Variants in SNTG2 observed in about 807,000 individuals in gnomAD.
SNTG2 encodes syntrophin gamma 2.
SNTG2 carries 74 observed loss-of-function variants against 70.9 expected under a neutral mutation model. The observed-to-expected ratio is 1.04, with a 90% CI of 0.86 to 1.27. The LOEUF (loss-of-function observed/expected upper bound fraction) is 1.27, where lower values mean the gene tolerates loss of function less well. Ranked by LOEUF, SNTG2 falls within the 50% of genes most tolerant of loss-of-function variation. The pLI is 0.00. For synonymous variants in SNTG2, 278 were observed against 273.8 expected, an observed-to-expected ratio of 1.02 and a Z score of -0.15; for missense variants, 717 against 690.7, an observed-to-expected ratio of 1.04 and a Z score of -0.43.
intron 15 of SNTG2, among the ~76,000 whole-genome samples, chr2:1,312,708 T>C (rs1038445155): frequency 2.0e-5 from 3 of 152,190 alleles, no homozygotes; most frequent in African/African-American, 7.2e-5. Context: ...CCGCAGCAAA[T>C]TATGATTCTG....
intron 1 of SNTG2, among the ~76,000 whole-genome samples, chr2:958,278 A>G (rs890870651): frequency 2.5e-4 from 38 of 152,244 alleles, no homozygotes; most frequent in African/African-American, 8.9e-4. Flanking sequence ...AAAGGATAAC[A>G]ACAGGAATTA....
chr2:1,228,998 GTC>G (rs922196925), intron 9 of SNTG2, among the ~76,000 whole-genome samples: 31 of 152,138 alleles, frequency 2.0e-4, no homozygotes, highest in African/African-American at 7.2e-4. Context: ...TGGGCTCGTG[GTC>G]TCTCTGGCTT....
chr2:1,323,024 G>A (rs752837965), intron 16 of SNTG2, among the ~76,000 whole-genome samples: 22 of 152,228 alleles, frequency 1.4e-4, no homozygotes, highest in Middle Eastern at 6.8e-3. Flanking sequence ...AATTAGACAT[G>A]ATCTACCCCA....
chr2:1,167,970 G>A (rs1296922559), intron 7 of SNTG2, among the ~76,000 whole-genome samples: 1 of 125,822 alleles, frequency 7.9e-6, no homozygotes, highest in Admixed American at 7.9e-5. Flanking sequence ...CCCACAGACG[G>A]CAGAACTGAA....
chr2:1,083,064 G>GGCTGTCGTTACTTCC (rs1229277128), intron 1 of SNTG2, among the ~76,000 whole-genome samples: 3 of 151,968 alleles, frequency 2.0e-5, no homozygotes, highest in African/African-American at 7.2e-5. Context: ...CTTCCTCCTC[G>GGCTGTCGTTACTTCC]GCTGTCGTTA....
chr2:995,334 C>T (rs949860790), intron 1 of SNTG2, among the ~76,000 whole-genome samples: 11 of 151,916 alleles, frequency 7.2e-5, no homozygotes, highest in African/African-American at 1.9e-4. Context: ...ATGATTTTGT[C>T]TTTTATTTAC....
At chr2:1,231,897 C>T (rs943064572) in intron 9 of SNTG2, among the ~76,000 whole-genome samples, 9 of 152,202 alleles carry the variant, frequency 5.9e-5, no homozygotes, top group African/African-American at 1.9e-4. Flanking sequence ...AAATGCAGGA[C>T]GCCCTCTGTG....
At chr2:1,065,589 A>G (rs532075439) in intron 1 of SNTG2, among the ~76,000 whole-genome samples, 65 of 152,326 alleles carry the variant, frequency 4.3e-4, no homozygotes, top group South Asian at 2.1e-3. Flanking sequence ...AAATATTCAA[A>G]TTATTTTCAA....
At chr2:1,081,283 G>A (rs1316887010) in intron 1 of SNTG2, among the ~76,000 whole-genome samples, 3 of 152,220 alleles carry the variant, frequency 2.0e-5, no homozygotes, top group African/African-American at 7.2e-5. Context: ...GAGTAAATGC[G>A]GGAGGCAATG....
chr2:1,332,600 G>C (rs1367883526), intron 16 of SNTG2, among the ~76,000 whole-genome samples: 1 of 152,094 alleles, frequency 6.6e-6, no homozygotes, highest in Non-Finnish European at 1.5e-5. Context: ...ATATCAAATA[G>C]ATAATACACC....
chr2:1,077,654 A>C (rs552961133), intron 1 of SNTG2, among the ~76,000 whole-genome samples: 99 of 152,278 alleles, frequency 6.5e-4, no homozygotes, highest in African/African-American at 2.3e-3. Flanking sequence ...CTTTTGAGTC[A>C]CACTAACCCA....
intron 14 of SNTG2, among the ~76,000 whole-genome samples, chr2:1,302,285 T>C (rs1435427529): frequency 6.6e-6 from 1 of 151,856 alleles, no homozygotes; most frequent in African/African-American, 2.4e-5. Context: ...TGTTTTATGG[T>C]CGAAGAAAAA....
chr2:987,620 C>T (rs528290995), intron 1 of SNTG2, among the ~76,000 whole-genome samples: 36 of 152,154 alleles, frequency 2.4e-4, no homozygotes, highest in Middle Eastern at 3.4e-3. Context: ...GCCCTTCTGA[C>T]GCCTCGATTT....
intron 9 of SNTG2, among the ~76,000 whole-genome samples, chr2:1,227,324 G>C (rs1558564089): frequency 6.6e-6 from 1 of 152,250 alleles, no homozygotes; most frequent in Non-Finnish European, 1.5e-5. Flanking sequence ...AGGGTAGGAA[G>C]GATTCCTATA....
At chr2:1,277,684 C>T (rs1228374946) in intron 14 of SNTG2, among the ~76,000 whole-genome samples, 2 of 152,156 alleles carry the variant, frequency 1.3e-5, no homozygotes, top group Non-Finnish European at 2.9e-5. Context: ...TTGGGATAAA[C>T]CACATCCAAA....
At chr2:1,209,317 G>A (rs28495529) in intron 9 of SNTG2, 87 bp downstream of exon 9, 136,510 of 1,514,288 alleles carry the variant, frequency 0.09, 12,058 homozygotes, top group African/African-American at 0.45. Flanking sequence ...ACTCCAGAGC[G>A]CTTGACTGTG....
chr2:1,239,592 C>G, intron 10 of SNTG2, 146 bp from the exon 11 acceptor site: 1 of 724,410 alleles, frequency 1.4e-6, no homozygotes, highest in Admixed American at 2.9e-5. Context: ...TGTATTGACT[C>G]TGGCTAGGTC....
rs143413124 is a variant in SNTG2, at chr2:975,191, T to C, written c.72+24123T>C. ...GGAAGCAAACACCATGTGCTTGCAC[T>C]CACACCCCTGAGCAAACACCACACG... is the stretch of plus-strand genomic sequence containing the variant. On this transcript the variant is annotated intron_variant, in intron 1 of 16. Coordinates refer to ENST00000308624, the MANE Select transcript of SNTG2 (RefSeq NM_018968.4). Among the ~76,000 whole-genome samples the C allele has an allele frequency of 9.9e-5, 15 of 152,026 alleles. No individual in the cohort carries two copies. The East Asian group carries it at 2.1e-3, about 22-fold the overall frequency.
At chr2:1,275,625 C>G (rs145813477) in intron 14 of SNTG2, among the ~76,000 whole-genome samples, 1 of 152,060 alleles carries the variant, frequency 6.6e-6, no homozygotes, top group Non-Finnish European at 1.5e-5. Flanking sequence ...CCCTGGGCCT[C>G]CTCATTCCAC....
Sources: gnomAD v4.1 joint callset for allele counts (sites outside exome capture counted in the v4.1 genomes callset) on GRCh38, gnomAD v4.1.1 for gene constraint, MANE v1.5 for transcripts, NCBI Gene and HGNC (gene_info 2026-07-23, HGNC 2026-07-21) for gene names.